SORCS2: variants seen among roughly 807,000 people sequenced by gnomAD.
SORCS2 encodes VPS10 domain-containing receptor SorCS2.
Under a neutral mutation model 141.6 loss-of-function variants are expected in SORCS2, and 100 were observed. The ratio of observed to expected loss-of-function variants is 0.71; its 90% CI spans 0.60 to 0.83. SORCS2 has a LOEUF of 0.83. SORCS2 is among the 40% of genes least tolerant of loss of function. The pLI is 0.00. For missense variants in SORCS2, 1,646 were observed against 1,560.2 expected (o/e 1.05, Z -0.93); for synonymous variants, 789 against 676.9 (o/e 1.17, Z -2.57).
chr4:7,354,404 C>T lies in SORCS2; in HGVS notation c.481-41884C>T, dbSNP rs763173962. Among the ~76,000 whole-genome samples the T allele has an allele frequency of 8.5e-4, 129 of 151,500 alleles. 3 individuals carry two copies. The highest frequency in any genetic ancestry group is 2.1e-4 in the Non-Finnish European group (14 of 67,760). ...CCCTGGCTTTCTCCCCCAAGAAAGA[C>T]CCCCCACCACCAAATACAGCCAGCC... On this transcript the variant is annotated intron_variant, in intron 1 of 26. Transcript: ENST00000507866.
chr4:7,701,003 G>A (rs1031897743), intron 12 of SORCS2, among the ~76,000 whole-genome samples: 16 of 152,242 alleles, frequency 1.1e-4, no homozygotes, highest in African/African-American at 3.9e-4. Context: ...GCTCTTCAGT[G>A]AGATCCTGTG....
intron 26 of SORCS2, among the ~76,000 whole-genome samples, chr4:7,737,999 C>T (rs888426346): frequency 2.6e-5 from 4 of 152,224 alleles, no homozygotes; most frequent in African/African-American, 9.6e-5. Context: ...CTTCCAAGAG[C>T]ATGTGGAGGG....
At chr4:7,612,467 A>C (rs1718472562) in intron 3 of SORCS2, among the ~76,000 whole-genome samples, 1 of 152,070 alleles carries the variant, frequency 6.6e-6, no homozygotes, top group Non-Finnish European at 1.5e-5. Flanking sequence ...CCTTAAGGAC[A>C]GGCCTCTGCC....
chr4:7,335,989 G>T (rs545976566), intron 1 of SORCS2, among the ~76,000 whole-genome samples: 1 of 152,234 alleles, frequency 6.6e-6, no homozygotes, highest in African/African-American at 2.4e-5. Context: ...GCATGCGCCT[G>T]AGTCTGTCCT....
chr4:7,364,724 A>G (rs1721779717), intron 1 of SORCS2, among the ~76,000 whole-genome samples: 1 of 152,196 alleles, frequency 6.6e-6, no homozygotes, highest in Non-Finnish European at 1.5e-5. Flanking sequence ...TGAGGACCTC[A>G]TGTCACATGA....
At chr4:7,399,244 A>C (rs1724413994) in intron 2 of SORCS2, among the ~76,000 whole-genome samples, 5 of 147,374 alleles carry the variant, frequency 3.4e-5, no homozygotes, top group South Asian at 4.4e-4. Context: ...GCTTCCTCCC[A>C]CCCCCACCCT....
At chr4:7,501,535 C>G (rs2109430927) in intron 2 of SORCS2, among the ~76,000 whole-genome samples, 1 of 152,326 alleles carries the variant, frequency 6.6e-6, no homozygotes, top group South Asian at 2.1e-4. Flanking sequence ...ATGGGCCTCC[C>G]TCAGCCTCCT....
intron 2 of SORCS2, among the ~76,000 whole-genome samples, chr4:7,487,612 C>A (rs1731070083): frequency 6.6e-6 from 1 of 152,222 alleles, no homozygotes; most frequent in African/African-American, 2.4e-5. Flanking sequence ...TGGGGATCAC[C>A]AGCCTGCAGG....
At chr4:7,377,728 A>G (rs1173672024) in intron 1 of SORCS2, among the ~76,000 whole-genome samples, 1 of 152,216 alleles carries the variant, frequency 6.6e-6, no homozygotes, top group South Asian at 2.1e-4. Context: ...TAGCTCAATC[A>G]GCTCAGGAAG....
chr4:7,277,282 A>G (rs1290219017), intron 1 of SORCS2, among the ~76,000 whole-genome samples: 1 of 152,156 alleles, frequency 6.6e-6, no homozygotes, highest in Non-Finnish European at 1.5e-5. Flanking sequence ...AAGGAGCTTT[A>G]AGCCAAAGGT....
At chr4:7,414,342 A>T (rs114884348) in intron 2 of SORCS2, among the ~76,000 whole-genome samples, 346 of 152,260 alleles carry the variant, frequency 2.3e-3, no homozygotes, top group Middle Eastern at 0.014. Context: ...CCTAGGAGGG[A>T]CTTTGGAAAT....
chr4:7,435,982 G>T (rs1470049912), intron 2 of SORCS2, among the ~76,000 whole-genome samples: 1 of 152,262 alleles, frequency 6.6e-6, no homozygotes, highest in Non-Finnish European at 1.5e-5. Context: ...ATGTGGGTCG[G>T]GCAGCCTGGC....
intron 1 of SORCS2, among the ~76,000 whole-genome samples, chr4:7,308,761 G>A (rs369445434): frequency 9.4e-5 from 14 of 148,706 alleles, no homozygotes; most frequent in African/African-American, 1.7e-4. Context: ...CTGTCGTCTC[G>A]CTCCAGCACC....
intron 3 of SORCS2, among the ~76,000 whole-genome samples, chr4:7,582,681 A>G (rs1716240181): frequency 6.6e-6 from 1 of 152,218 alleles, no homozygotes; most frequent in African/African-American, 2.4e-5. Flanking sequence ...AAAGCAATTA[A>G]AGGATATAAA....
In SORCS2 at chr4:7,308,041, A is replaced by G. The variant is rs1027388683; in HGVS notation, c.481-88247A>G. ...TGCCCACTGTCTTTTTCTAGAGGCCATCTTTGGCTCCCTATGGACCCTCTG... is the reference window on the plus strand; with the variant it reads ...TGCCCACTGTCTTTTTCTAGAGGCCGTCTTTGGCTCCCTATGGACCCTCTG... On this transcript the variant is annotated intron_variant, in intron 1 of 26. Coordinates refer to ENST00000507866, the MANE Select transcript of SORCS2 (RefSeq NM_020777.3). Among the ~76,000 whole-genome samples the G allele has an allele frequency of 1.5e-4, 23 of 152,180 alleles. 1 individual carries two copies. The highest frequency in any genetic ancestry group is 1.3e-3 in the Admixed American group (20 of 15,294).
chr4:7,422,405 T>G (rs555326028), intron 2 of SORCS2, among the ~76,000 whole-genome samples: 1 of 152,252 alleles, frequency 6.6e-6, no homozygotes, highest in South Asian at 2.1e-4. Flanking sequence ...TCCCGTGGCC[T>G]TCCTTTCCGT....
intron 3 of SORCS2, among the ~76,000 whole-genome samples, chr4:7,600,129 G>A (rs1024852947): frequency 6.6e-6 from 1 of 152,126 alleles, no homozygotes; most frequent in Non-Finnish European, 1.5e-5. Context: ...GCCTGGTGGA[G>A]TAGGTTTTCT....
At chr4:7,589,132 C>T (rs1046872513) in intron 3 of SORCS2, among the ~76,000 whole-genome samples, 5 of 152,120 alleles carry the variant, frequency 3.3e-5, no homozygotes, top group African/African-American at 1.2e-4. Context: ...TCTGAGTGCT[C>T]TCAAATGCAG....
intron 1 of SORCS2, among the ~76,000 whole-genome samples, chr4:7,370,729 CCTTGATCCTGTGT>C (rs1014419386): frequency 4.6e-5 from 7 of 152,328 alleles, no homozygotes; most frequent in Non-Finnish European, 8.8e-5. Flanking sequence ...CCCTCCTGTG[CCTTGATCCTGTGT>C]GACATTTCTC....
Sources: gnomAD v4.1 joint callset for allele counts (sites outside exome capture counted in the v4.1 genomes callset) on GRCh38, gnomAD v4.1.1 for gene constraint, MANE v1.5 for transcripts, NCBI Gene and HGNC (gene_info 2026-07-23, HGNC 2026-07-21) for gene names.